Variants in HNRNPH1 observed in about 807,000 individuals in gnomAD.
HNRNPH1 encodes the protein heterogeneous nuclear ribonucleoprotein H.
A neutral mutation model predicts 58.6 loss-of-function variants in HNRNPH1; 4 were observed. That is an observed-to-expected ratio of 0.07 (90% confidence interval 0.03 to 0.16). The LOEUF (loss-of-function observed/expected upper bound fraction) is 0.16, where lower values mean the gene tolerates loss of function less well. Among genes scored for constraint, HNRNPH1 ranks in the 10% least tolerant of loss-of-function variants. The pLI is 1.00. For missense variants in HNRNPH1, 271 were observed against 564.2 expected (o/e 0.48, Z 5.26); for synonymous variants, 192 against 189.2 (o/e 1.01, Z -0.12).
chr5:179,619,175 C>T lies in HNRNPH1; in HGVS notation c.536+94G>A, dbSNP rs1260057047. ...GCAAAACATCAATTACCTAGGACTA[C>T]AAAACATTAATTTCTTCTTTTAAGC... On this transcript the variant is annotated intron_variant, in intron 4 of 12. Coordinates refer to ENST00000356731, the Ensembl canonical transcript of HNRNPH1. 4.8e-5 allele frequency: 56 copies of T among 1,168,446 alleles called. No individual in the cohort carries two copies. The East Asian group carries it at 1.4e-3, about 30-fold the overall frequency. The allele number at this position is 1,168,446 out of a possible 1,614,324, so 72.4% of individuals were successfully genotyped here. A position where few individuals can be genotyped will look rare whatever the true frequency, so the allele number is the denominator to read the frequency against.
chr5:179,619,292 T>C, exon 4 of HNRNPH1: 2 of 1,612,898 alleles, frequency 1.2e-6, no homozygotes, highest in African/African-American at 1.3e-5. Flanking sequence ...TTTCCTTGTG[T>C]TTCTTTAGAG....
intron 11 of HNRNPH1, 141 bp downstream of exon 12, chr5:179,615,985 G>A: frequency 7.3e-6 from 5 of 685,806 alleles, no homozygotes; most frequent in South Asian, 7.2e-5. Flanking sequence ...ACCGAAAGGA[G>A]CCTGCATCTT....
chr5:179,626,782 T>TC (rs1384516406), upstream of HNRNPH1, among the ~76,000 whole-genome samples: 1 of 150,180 alleles, frequency 6.7e-6, no homozygotes, highest in East Asian at 2.0e-4. Context: ...ACTTCTTTTT[T>TC]TTTTTTTTTT....
Position 179,619,192 on chromosome 5 carries a change from CT to C in HNRNPH1, c.536+76del, listed in dbSNP as rs1413811795. On this transcript the variant is annotated intron_variant, in intron 4 of 12. Coordinates refer to ENST00000356731, the Ensembl canonical transcript of HNRNPH1. ...TAGGACTACAAAACATTAATTTCTT[CT>C]TTTAAGCAGAGAGAATATGGATTTA... The C allele has an allele frequency of 1.6e-6, 2 of 1,272,234 alleles. 1 individual carries two copies. Among genetic ancestry groups the C allele is most frequent in the East Asian group, 5.1e-5 (2 of 39,126 alleles). 78.8% of individuals were successfully genotyped at this position (1,272,234 alleles called of 1,614,324 possible). A position where few individuals can be genotyped will look rare whatever the true frequency, so the allele number is the denominator to read the frequency against.
At chr5:179,614,882 A>G in exon 13 of HNRNPH1, 1 of 1,548,418 alleles carries the variant, frequency 6.5e-7, no homozygotes, top group Non-Finnish European at 8.7e-7. Flanking sequence ...ATGCTAGACA[A>G]CCCTCCCATT....
At chr5:179,621,065 TTGGAAAATTAG>T (rs781472878) in intron 2 of HNRNPH1, 30 bp from the exon 4 acceptor site, 8 of 1,608,500 alleles carry the variant, frequency 5.0e-6, no homozygotes, top group Non-Finnish European at 6.8e-6. Flanking sequence ...TTAGTCACTT[TTGGAAAATTAG>T]ATAACAAAGT....
chr5:179,623,999 A>C, exon 1 of HNRNPH1: 1 of 152,956 alleles, frequency 6.5e-6, no homozygotes, highest in Non-Finnish European at 1.5e-5. Flanking sequence ...GGGGAGGGGA[A>C]TGGCGGCCGC....
chr5:179,619,514 G>A (rs1771259584), intron 3 of HNRNPH1, 107 bp from the exon 5 acceptor site: 6 of 927,176 alleles, frequency 6.5e-6, no homozygotes, highest in South Asian at 3.5e-5. Context: ...TTAACTTTAG[G>A]TGAATGGTAT....
At chr5:179,629,848 C>G (rs188227823) in intron 2 of HNRNPH1, among the ~76,000 whole-genome samples, 1 of 151,376 alleles carries the variant, frequency 6.6e-6, no homozygotes, top group Non-Finnish European at 1.5e-5. Context: ...CATGGTGAAA[C>G]CCCGTCTCTA....
At chr5:179,621,522 AC>A in intron 1 of HNRNPH1, 125 bp from the exon 3 acceptor site, 1 of 730,916 alleles carries the variant, frequency 1.4e-6, no homozygotes, top group Non-Finnish European at 2.3e-6. Context: ...ATATATACTG[AC>A]CACGATATTA....
At chr5:179,629,100 A>C (rs1364979983), upstream of HNRNPH1, 2 of 148,874 alleles carry the variant, frequency 1.3e-5, no homozygotes, top group Non-Finnish European at 3.0e-5. Context: ...GATCGAGACC[A>C]TCCTGGATAA....
chr5:179,616,310 A>G, intron 10 of HNRNPH1, 92 bp from the exon 12 acceptor site: 2 of 1,020,474 alleles, frequency 2.0e-6, no homozygotes, highest in South Asian at 1.3e-5. Context: ...ATCATTTTCC[A>G]GTCTTGATCT....
exon 1 of HNRNPH1, chr5:179,623,040 A>C: frequency 2.6e-6 from 4 of 1,553,266 alleles, no homozygotes; most frequent in Non-Finnish European, 3.5e-6. Flanking sequence ...AACTCACCAG[A>C]AAAAAACCTC....
exon 13 of HNRNPH1, chr5:179,614,667 G>C (rs1768582642): frequency 1.9e-6 from 1 of 523,872 alleles, no homozygotes; most frequent in Non-Finnish European, 3.4e-6. Context: ...TCCTAGATGA[G>C]TATTGTATTC....
chr5:179,625,954 TA>T (rs1774356181), upstream of HNRNPH1, among the ~76,000 whole-genome samples: 1 of 151,426 alleles, frequency 6.6e-6, no homozygotes, highest in South Asian at 2.1e-4. Flanking sequence ...TTTATTTATT[TA>T]TTTATTTATT....
At chr5:179,622,377 TGAG>T (rs1434393779) in intron 1 of HNRNPH1, among the ~76,000 whole-genome samples, 2 of 152,292 alleles carry the variant, frequency 1.3e-5, no homozygotes, top group East Asian at 1.9e-4. Context: ...TTCTCAAGAT[TGAG>T]GAGGAAATCC....
chr5:179,625,951 A>ATTTTTTTT (rs1381471661), upstream of HNRNPH1, among the ~76,000 whole-genome samples: 97 of 149,882 alleles, frequency 6.5e-4, no homozygotes, highest in Middle Eastern at 3.5e-3. Flanking sequence ...TTATTTATTT[A>ATTTTTTTT]TTTATTTATT....
intron 11 of HNRNPH1, 67 bp from the exon 13 acceptor site, chr5:179,615,662 AAAAT>A (rs763581885): frequency 1.3e-4 from 102 of 802,732 alleles, no homozygotes; most frequent in African/African-American, 8.4e-4. Context: ...CAATTGAAAA[AAAAT>A]AAATAAAACC....
At chr5:179,615,692 G>A (rs1018159301) in intron 11 of HNRNPH1, 97 bp from the exon 13 acceptor site, 3 of 642,846 alleles carry the variant, frequency 4.7e-6, no homozygotes, top group East Asian at 2.7e-5. Flanking sequence ...TAGGTTAACT[G>A]ACTAATAAAT....
Sources: allele counts gnomAD v4.1 joint callset (sites outside exome capture counted in the v4.1 genomes callset), GRCh38; gene constraint gnomAD v4.1.1; transcripts MANE v1.5; gene names NCBI Gene and HGNC (gene_info 2026-07-23, HGNC 2026-07-21).